The following LRRC72 variants were observed in gnomAD, a reference collection of about 807,000 sequenced individuals.
LRRC72 encodes the protein leucine rich repeat containing 72.
LRRC72 carries 41 observed loss-of-function variants against 35.8 expected under a neutral mutation model. The ratio of observed to expected loss-of-function variants is 1.15; its 90% CI spans 0.89 to 1.49. LRRC72 has a LOEUF of 1.49. Among genes scored for constraint, LRRC72 ranks in the 40% most tolerant of loss-of-function variants. The pLI, the probability that LRRC72 is intolerant of heterozygous loss-of-function variation, is 0.00. For missense variants in LRRC72, 389 were observed against 330.7 expected (o/e 1.18, Z -1.37); for synonymous variants, 118 against 119.2 (o/e 0.99, Z 0.07).
intron 1 of LRRC72, among the ~76,000 whole-genome samples, chr7:16,527,805 T>C (rs1251489166): frequency 6.6e-6 from 1 of 152,178 alleles, no homozygotes; most frequent in Non-Finnish European, 1.5e-5. Context: ...TATAAGAATT[T>C]ATCATCAGAG....
chr7:16,552,972 T>C (rs1277282266), intron 3 of LRRC72, among the ~76,000 whole-genome samples: 1 of 152,214 alleles, frequency 6.6e-6, no homozygotes, highest in African/African-American at 2.4e-5. Flanking sequence ...CATCTTAAAA[T>C]AAGATAATAA....
chr7:16,547,424 C>G (rs1412466916), intron 3 of LRRC72, among the ~76,000 whole-genome samples: 1 of 152,074 alleles, frequency 6.6e-6, no homozygotes, highest in Non-Finnish European at 1.5e-5. Flanking sequence ...TGGCTGCAAC[C>G]TGGGCACCCC....
chr7:16,557,146 A>T (rs1284302957), intron 3 of LRRC72, among the ~76,000 whole-genome samples: 1 of 152,228 alleles, frequency 6.6e-6, no homozygotes, highest in East Asian at 1.9e-4. Flanking sequence ...TTTAAGTTAG[A>T]TAAAAATATT....
At chr7:16,567,280 C>G in intron 6 of LRRC72, 111 bp from the exon 7 acceptor site, 2 of 808,474 alleles carry the variant, frequency 2.5e-6, no homozygotes, top group Non-Finnish European at 3.6e-6. Flanking sequence ...ACAGGATGTT[C>G]TCATATATCA....
intron 7 of LRRC72, among the ~76,000 whole-genome samples, chr7:16,579,328 TC>T (rs1325228478): frequency 3.3e-5 from 5 of 152,236 alleles, no homozygotes; most frequent in Admixed American, 2.0e-4. Context: ...TGAGAGACTT[TC>T]GTTAGCCACT....
intron 7 of LRRC72, among the ~76,000 whole-genome samples, chr7:16,578,333 C>T (rs747136948): frequency 1.8e-4 from 28 of 151,966 alleles, no homozygotes; most frequent in Non-Finnish European, 2.1e-4. Flanking sequence ...ATTAGCCAGG[C>T]GTGGTAGCAG....
At chr7:16,533,298 A>G (rs550407854) in intron 2 of LRRC72, among the ~76,000 whole-genome samples, 55 of 152,224 alleles carry the variant, frequency 3.6e-4, no homozygotes, top group African/African-American at 1.2e-3. Context: ...CGAACTCCCC[A>G]AGGTGGCAGA....
chr7:16,545,207 G>C (rs947165629), intron 3 of LRRC72, among the ~76,000 whole-genome samples: 7 of 152,272 alleles, frequency 4.6e-5, no homozygotes, highest in African/African-American at 1.7e-4. Context: ...AATGTTTTAA[G>C]AAATATCTTA....
intron 7 of LRRC72, among the ~76,000 whole-genome samples, chr7:16,577,520 G>GATAGC (rs1326885311): frequency 6.6e-6 from 1 of 152,120 alleles, no homozygotes; most frequent in Non-Finnish European, 1.5e-5. Flanking sequence ...AATGTTGACA[G>GATAGC]ATTTAACTAC....
At chr7:16,559,158 C>A (rs1372260613) in intron 5 of LRRC72, among the ~76,000 whole-genome samples, 159 bp downstream of exon 5, 1 of 152,160 alleles carries the variant, frequency 6.6e-6, no homozygotes, top group Non-Finnish European at 1.5e-5. Context: ...CTTAGGCAGG[C>A]TGAGGTGGGC....
chr7:16,575,582 A>G (rs1486141214), intron 7 of LRRC72, among the ~76,000 whole-genome samples: 6 of 152,204 alleles, frequency 3.9e-5, no homozygotes, highest in Admixed American at 3.9e-4. Flanking sequence ...AATGAGTATA[A>G]TATCTTGCTT....
At chr7:16,540,480 T>A (rs1436723692) in intron 3 of LRRC72, among the ~76,000 whole-genome samples, 3 of 152,158 alleles carry the variant, frequency 2.0e-5, no homozygotes, top group Admixed American at 1.3e-4. Flanking sequence ...CTGGAATGAG[T>A]GAAGACTTTG....
intron 1 of LRRC72, among the ~76,000 whole-genome samples, chr7:16,531,887 A>G (rs73297254): frequency 6.6e-6 from 1 of 152,222 alleles, no homozygotes; most frequent in Non-Finnish European, 1.5e-5. Flanking sequence ...TTCTCACAGC[A>G]TGAGTATGTT....
intron 3 of LRRC72, among the ~76,000 whole-genome samples, chr7:16,546,500 C>T (rs765109195): frequency 6.6e-6 from 1 of 152,108 alleles, no homozygotes; most frequent in Non-Finnish European, 1.5e-5. Context: ...ATTCCCCCCA[C>T]CTCCACTGAG....
intron 7 of LRRC72, among the ~76,000 whole-genome samples, chr7:16,578,195 G>A (rs1783076891): frequency 6.6e-6 from 1 of 152,188 alleles, no homozygotes; most frequent in African/African-American, 2.4e-5. Flanking sequence ...TTCCATTATA[G>A]AATTAATCCA....
chr7:16,561,964 T>A (rs1158003237), intron 5 of LRRC72, among the ~76,000 whole-genome samples: 1 of 152,210 alleles, frequency 6.6e-6, no homozygotes, highest in Non-Finnish European at 1.5e-5. Flanking sequence ...AAAGTGTTAT[T>A]ATTCCACTTA....
At chr7:16,555,500 T>C (rs1782635007) in intron 3 of LRRC72, among the ~76,000 whole-genome samples, 1 of 152,184 alleles carries the variant, frequency 6.6e-6, no homozygotes, top group South Asian at 2.1e-4. Context: ...TGGCCGGACA[T>C]GGTGGCTCAC....
At chr7:16,570,688 C>T (rs1782927115) in intron 7 of LRRC72, among the ~76,000 whole-genome samples, 3 of 151,860 alleles carry the variant, frequency 2.0e-5, no homozygotes, top group South Asian at 2.1e-4. Flanking sequence ...GGTTTGGTGG[C>T]GAGCACCTGT....
chr7:16,552,145 T>G (rs1405955851), intron 3 of LRRC72, among the ~76,000 whole-genome samples: 2 of 152,234 alleles, frequency 1.3e-5, no homozygotes, highest in Non-Finnish European at 2.9e-5. Flanking sequence ...TTTTTTCAAC[T>G]CAGTCCCCAA....
Sources: allele counts gnomAD v4.1 joint callset (sites outside exome capture counted in the v4.1 genomes callset), GRCh38; gene constraint gnomAD v4.1.1; transcripts MANE v1.5; gene names NCBI Gene and HGNC (gene_info 2026-07-23, HGNC 2026-07-21).